Variants in SP140 observed in about 807,000 individuals in gnomAD.
The protein encoded by SP140 is SP140 nuclear body protein, also known as nuclear body protein SP140.
SP140 carries 81 observed loss-of-function variants against 125.0 expected under a neutral mutation model. The observed-to-expected ratio is 0.65, with a 90% CI of 0.54 to 0.78. SP140 has a LOEUF of 0.78. SP140 is among the 30% of genes least tolerant of loss of function. The pLI is 0.00. For missense variants in SP140, 858 were observed against 1,037.0 expected, an observed-to-expected ratio of 0.83 and a Z score of 2.37; for synonymous variants, 312 against 354.0, an observed-to-expected ratio of 0.88 and a Z score of 1.33.
chr2:230,270,879 TG>T (rs1383422481), intron 15 of SP140: 16 of 555,388 alleles, frequency 2.9e-5, no homozygotes, highest in Admixed American at 6.7e-5. Flanking sequence ...GAGATGATCC[TG>T]GGTTATGGGG....
At chr2:230,231,324 T>C (rs2047201273) in intron 1 of SP140, among the ~76,000 whole-genome samples, 1 of 152,266 alleles carries the variant, frequency 6.6e-6, no homozygotes, top group Admixed American at 6.5e-5. Flanking sequence ...CTTATAATTT[T>C]TTTTTTAAGT....
intron 16 of SP140, 80 bp downstream of exon 16, chr2:230,284,491 C>A: frequency 8.2e-7 from 1 of 1,224,934 alleles, no homozygotes; most frequent in Non-Finnish European, 1.1e-6. Flanking sequence ...GCCTGCAGTT[C>A]CCCAGAGCCA....
At chr2:230,240,008 T>C (rs1257106837) in intron 3 of SP140, among the ~76,000 whole-genome samples, 1 of 152,140 alleles carries the variant, frequency 6.6e-6, no homozygotes, top group East Asian at 1.9e-4. Context: ...ACTTCCTGTG[T>C]TTGGGTGACA....
intron 1 of SP140, among the ~76,000 whole-genome samples, chr2:230,204,801 A>G (rs2043582472): frequency 6.6e-6 from 1 of 152,208 alleles, no homozygotes; most frequent in Non-Finnish European, 1.5e-5. Flanking sequence ...TGAGATAGAC[A>G]TAAGTCAACA....
intron 1 of SP140, chr2:230,212,709 C>T (rs2044629899): frequency 1.2e-6 from 2 of 1,609,100 alleles, no homozygotes; most frequent in South Asian, 1.1e-5. Context: ...CAACATGGCA[C>T]AGGCACCTTA....
At chr2:230,200,799 T>G, upstream of SP140, 1 of 1,074,350 alleles carries the variant, frequency 9.3e-7, no homozygotes, top group Non-Finnish European at 1.4e-6. Flanking sequence ...AAAAAAAAAG[T>G]TAAGAAATAT....
upstream of SP140, among the ~76,000 whole-genome samples, chr2:230,223,268 C>T (rs1448462549): frequency 6.6e-6 from 1 of 152,122 alleles, no homozygotes; most frequent in Non-Finnish European, 1.5e-5. Flanking sequence ...ATCTCCTGAC[C>T]TCGTGATCTG....
chr2:230,269,752 G>A (rs990561420), intron 13 of SP140, 85 bp from the exon 14 acceptor site: 2 of 1,178,524 alleles, frequency 1.7e-6, no homozygotes, highest in Non-Finnish European at 2.5e-6. Context: ...AGAGGAAAAA[G>A]TAAAGAAGGG....
rs188237306 is a variant in SP140 at position 230,310,469 on chromosome 2, C to T, written c.2175-274C>T. ...AAACTCAGGCCTGACAGACAGGGTT[C>T]CCTGTGCTCCCAGCAGCTCAGACAG... On this transcript the variant is annotated intron_variant, in intron 23 of 26. Transcript: ENST00000392045. 5.2e-4 allele frequency: 365 copies of T among 705,402 alleles called. No homozygotes were observed. The African/African-American group carries it at 6.1e-3, about 12-fold the overall frequency. 43.7% of individuals were successfully genotyped at this position (705,402 alleles called of 1,614,324 possible).
intron 1 of SP140, among the ~76,000 whole-genome samples, chr2:230,228,499 A>G (rs2046781803): frequency 6.6e-6 from 1 of 152,238 alleles, no homozygotes; most frequent in South Asian, 2.1e-4. Context: ...GAAGCCTTCA[A>G]TAATAGTAGT....
intron 3 of SP140, among the ~76,000 whole-genome samples, chr2:230,241,086 A>G (rs2048658732): frequency 6.6e-6 from 1 of 152,240 alleles, no homozygotes; most frequent in Admixed American, 6.5e-5. Flanking sequence ...TATAAGTACA[A>G]GTACAGACAA....
At chr2:230,198,912 G>A (rs1394842698), upstream of SP140, among the ~76,000 whole-genome samples, 2 of 152,124 alleles carry the variant, frequency 1.3e-5, no homozygotes, top group African/African-American at 4.8e-5. Context: ...AGCATTTAGA[G>A]TCCTTCAGTG....
chr2:230,269,456 G>A, intron 12 of SP140, 76 bp from the exon 13 acceptor site: 1 of 886,050 alleles, frequency 1.1e-6, no homozygotes, highest in Non-Finnish European at 1.9e-6. Flanking sequence ...TCAGTGTGCA[G>A]TATAGCAGCA....
downstream of SP140, among the ~76,000 whole-genome samples, chr2:230,314,935 G>A (rs1404174258): frequency 1.3e-5 from 2 of 152,222 alleles, no homozygotes; most frequent in East Asian, 3.8e-4. Context: ...AGGCCAAGAG[G>A]CAGCATTTAA....
chr2:230,314,972 C>G (rs1044301943), downstream of SP140, among the ~76,000 whole-genome samples: 2 of 152,186 alleles, frequency 1.3e-5, no homozygotes, highest in Non-Finnish European at 2.9e-5. Flanking sequence ...AAGTAATTTC[C>G]CTAAGGGGCA....
chr2:230,231,436 C>T (rs938372876), intron 1 of SP140, among the ~76,000 whole-genome samples: 8 of 152,152 alleles, frequency 5.3e-5, no homozygotes, highest in African/African-American at 1.9e-4. Flanking sequence ...AATGTTTGTT[C>T]TAGCTGTAGG....
chr2:230,262,633 T>C (rs2052460790), intron 12 of SP140, among the ~76,000 whole-genome samples: 1 of 152,112 alleles, frequency 6.6e-6, no homozygotes, highest in Non-Finnish European at 1.5e-5. Flanking sequence ...ATCCCAGAGG[T>C]TTTGATTGTC....
chr2:230,192,930 C>G, the SP140 span, among the ~76,000 whole-genome samples: 1 of 152,122 alleles, frequency 6.6e-6, no homozygotes, highest in East Asian at 1.9e-4. Context: ...AATGATCTCT[C>G]TGGTGCTGAC....
chr2:230,282,789 G>C (rs2055787392), intron 15 of SP140, among the ~76,000 whole-genome samples: 1 of 152,250 alleles, frequency 6.6e-6, no homozygotes, highest in Non-Finnish European at 1.5e-5. Flanking sequence ...GGTGCTCCCA[G>C]AAGGGAAGTG....
Sources: allele counts gnomAD v4.1 joint callset (sites outside exome capture counted in the v4.1 genomes callset), GRCh38; gene constraint gnomAD v4.1.1; transcripts MANE v1.5; gene names NCBI Gene and HGNC (gene_info 2026-07-23, HGNC 2026-07-21).